Variants in SUGCT observed in about 807,000 individuals in gnomAD.
The protein encoded by SUGCT is succinyl-CoA:glutarate CoA-transferase.
Under a neutral mutation model 55.0 loss-of-function variants are expected in SUGCT, and 41 were observed. The observed-to-expected ratio is 0.74, with a 90% CI of 0.58 to 0.97. The LOEUF (loss-of-function observed/expected upper bound fraction) is 0.97, where lower values mean the gene tolerates loss of function less well. Ranked by LOEUF, SUGCT falls within the 50% of genes least tolerant of loss-of-function variation. The pLI is 0.00. For missense variants in SUGCT, 568 were observed against 547.8 expected, an observed-to-expected ratio of 1.04 and a Z score of -0.37; for synonymous variants, 187 against 200.4, an observed-to-expected ratio of 0.93 and a Z score of 0.56.
chr7:40,638,708 G>A (rs890092011), intron 12 of SUGCT, among the ~76,000 whole-genome samples: 1 of 152,138 alleles, frequency 6.6e-6, no homozygotes, highest in Non-Finnish European at 1.5e-5. Context: ...GGAGCAGGGT[G>A]TATATTAGGA....
intron 12 of SUGCT, among the ~76,000 whole-genome samples, chr7:40,632,685 A>C (rs2151811902): frequency 6.6e-6 from 1 of 152,102 alleles, no homozygotes; most frequent in South Asian, 2.1e-4. Context: ...TTGTTCAAAA[A>C]AGATTTGAAT....
At chr7:40,336,444 C>G (rs911519384) in intron 9 of SUGCT, among the ~76,000 whole-genome samples, 1 of 152,092 alleles carries the variant, frequency 6.6e-6, no homozygotes, top group Non-Finnish European at 1.5e-5. Flanking sequence ...TTGGTCTATT[C>G]AGGGATTCAA....
intron 12 of SUGCT, among the ~76,000 whole-genome samples, chr7:40,501,072 G>T (rs1296008914): frequency 6.6e-6 from 1 of 152,110 alleles, no homozygotes; most frequent in African/African-American, 2.4e-5. Flanking sequence ...ATATACAGTG[G>T]TCTTTGCAAC....
chr7:40,320,669 C>T (rs1160237970), intron 9 of SUGCT, among the ~76,000 whole-genome samples: 2 of 152,204 alleles, frequency 1.3e-5, no homozygotes, highest in Admixed American at 1.3e-4. Flanking sequence ...CCATGTCCTC[C>T]TTTGTTTGTG....
chr7:40,757,040 G>A (rs933025241), intron 13 of SUGCT, among the ~76,000 whole-genome samples: 9 of 152,262 alleles, frequency 5.9e-5, no homozygotes, highest in African/African-American at 2.2e-4. Context: ...CTTAACCCAT[G>A]GCAGGGTACT....
At chr7:40,981,218 G>A in the SUGCT span, among the ~76,000 whole-genome samples, 2 of 152,180 alleles carry the variant, frequency 1.3e-5, no homozygotes, top group South Asian at 4.1e-4. Context: ...CAGCCCTGAT[G>A]AAGTCTGAAT....
rs184712328 is a variant in SUGCT, at chr7:40,135,232, G to A, written c.100+112G>A. ...CTGAAGTCTCTGCTGACCCCTTAGC[G>A]GTGGCTTTGCTCGCCTCCCTGCAAC... On this transcript the variant is annotated intron_variant, in intron 1 of 13. Coordinates refer to ENST00000335693, the MANE Select transcript of SUGCT (RefSeq NM_001193313.2). 8.4e-4 allele frequency: 1,097 copies of A among 1,303,950 alleles called. 13 individuals carry two copies. In the African/African-American group the frequency reaches 0.015, roughly 18 times the overall value. The allele number at this position is 1,303,950 out of a possible 1,614,324, so 80.8% of individuals were successfully genotyped here.
intron 11 of SUGCT, among the ~76,000 whole-genome samples, chr7:40,493,778 A>T (rs1342281105): frequency 2.0e-5 from 3 of 152,128 alleles, no homozygotes; most frequent in African/African-American, 7.2e-5. Context: ...TTTTAGCAGA[A>T]TTTTTGTGGT....
At chr7:40,216,706 G>T (rs904700047) in intron 6 of SUGCT, among the ~76,000 whole-genome samples, 4 of 151,694 alleles carry the variant, frequency 2.6e-5, no homozygotes, top group African/African-American at 9.7e-5. Context: ...ACAAAAATTA[G>T]CCAGGTGTGA....
chr7:40,850,779 A>C (rs1050954879), intron 13 of SUGCT, among the ~76,000 whole-genome samples: 6 of 152,218 alleles, frequency 3.9e-5, no homozygotes, highest in Admixed American at 3.9e-4. Flanking sequence ...GATTTCTACA[A>C]GTTAAAACTT....
At chr7:40,490,338 AGCC>A (rs1375246071) in intron 11 of SUGCT, among the ~76,000 whole-genome samples, 1 of 152,094 alleles carries the variant, frequency 6.6e-6, no homozygotes, top group Non-Finnish European at 1.5e-5. Flanking sequence ...TTTCTAACTG[AGCC>A]TAGGTGGTCT....
chr7:40,411,703 A>G (rs968669441), intron 9 of SUGCT, among the ~76,000 whole-genome samples: 3 of 152,168 alleles, frequency 2.0e-5, no homozygotes, highest in South Asian at 2.1e-4. Flanking sequence ...CTGATTTCCA[A>G]CAGATCCGTT....
chr7:40,778,251 C>A (rs1789562903), intron 13 of SUGCT, among the ~76,000 whole-genome samples: 1 of 152,140 alleles, frequency 6.6e-6, no homozygotes, highest in South Asian at 2.1e-4. Flanking sequence ...TATACCTGTG[C>A]TTTTAGCACC....
At chr7:40,927,958 G>T in the SUGCT span, among the ~76,000 whole-genome samples, 9 of 152,072 alleles carry the variant, frequency 5.9e-5, no homozygotes, top group African/African-American at 2.2e-4. Context: ...CATTTAAAAA[G>T]ATATAATTTC....
At chr7:40,698,730 T>A (rs1030144032) in intron 12 of SUGCT, among the ~76,000 whole-genome samples, 2 of 152,188 alleles carry the variant, frequency 1.3e-5, no homozygotes, top group Non-Finnish European at 2.9e-5. Flanking sequence ...ACATAATTCG[T>A]GAGTTAAAAA....
chr7:40,344,881 T>TA (rs1273437516), intron 9 of SUGCT, among the ~76,000 whole-genome samples: 10 of 152,184 alleles, frequency 6.6e-5, no homozygotes, highest in African/African-American at 2.2e-4. Context: ...TTGTGATTTT[T>TA]AAAAAAATGT....
chr7:40,213,818 T>G (rs1787477325), intron 6 of SUGCT, among the ~76,000 whole-genome samples: 3 of 152,336 alleles, frequency 2.0e-5, no homozygotes. Flanking sequence ...TTTCTCAGCT[T>G]TGGCAAAGGG....
At chr7:40,386,583 T>G (rs1352833335) in intron 9 of SUGCT, among the ~76,000 whole-genome samples, 1 of 152,204 alleles carries the variant, frequency 6.6e-6, no homozygotes, top group Non-Finnish European at 1.5e-5. Flanking sequence ...TTGCAGGATG[T>G]TTTTAGCATC....
chr7:40,427,993 G>T (rs1399650808), intron 9 of SUGCT, among the ~76,000 whole-genome samples: 2 of 152,104 alleles, frequency 1.3e-5, no homozygotes, highest in Admixed American at 1.3e-4. Context: ...ATTCGAGATT[G>T]AAAATGGGTT....
Sources: gnomAD v4.1 joint callset for allele counts (sites outside exome capture counted in the v4.1 genomes callset) on GRCh38, gnomAD v4.1.1 for gene constraint, MANE v1.5 for transcripts, NCBI Gene and HGNC (gene_info 2026-07-23, HGNC 2026-07-21) for gene names.